The following NKD1 variants were observed in gnomAD, a reference collection of about 807,000 sequenced individuals.
NKD1 encodes NKD inhibitor of Wnt signaling pathway 1.
Under a neutral mutation model 56.0 loss-of-function variants are expected in NKD1, and 21 were observed. The observed-to-expected ratio is 0.38, with a 90% confidence interval of 0.27 to 0.54. The LOEUF is 0.54. NKD1 is among the 20% of genes least tolerant of loss of function. The pLI, the probability that NKD1 is intolerant of heterozygous loss-of-function variation, is 0.82. For missense variants in NKD1, 578 were observed against 642.7 expected (o/e 0.90, Z 1.09); for synonymous variants, 263 against 265.7 (o/e 0.99, Z 0.10).
At chr16:50,567,620 A>C (rs933954792) in intron 3 of NKD1, among the ~76,000 whole-genome samples, 2 of 152,180 alleles carry the variant, frequency 1.3e-5, no homozygotes, top group East Asian at 1.9e-4. Flanking sequence ...AGGACAGGCC[A>C]CAGGTGACAG....
chr16:50,633,856 AATTATTGTTATTATGATG>A lies in NKD1; in HGVS notation c.*89_*106del. On this transcript the variant is annotated 3_prime_UTR_variant, in exon 10 of 10. Coordinates refer to ENST00000268459, the MANE Select transcript of NKD1 (RefSeq NM_033119.5). This position sits in a 1 kb window ranked among gnomAD's most constrained non-coding sequence, Gnocchi z 4.9. ...CACCACAAGGCATTATTATTCTATT[AATTATTGTTATTATGATG>A]ATTATTGTTATTAATAATTATTGTT... is the stretch of plus-strand genomic sequence containing the variant. 1 of 663,342 alleles carries A rather than the reference AATTATTGTTATTATGATG, an allele frequency of 1.5e-6. No individual in the cohort carries two copies. The highest frequency in any genetic ancestry group is 2.5e-6 in the Non-Finnish European group (1 of 404,424). The allele number at this position is 663,342 out of a possible 1,614,324, so 41.1% of individuals were successfully genotyped here. A position where few individuals can be genotyped will look rare whatever the true frequency, so the allele number is the denominator to read the frequency against.
At chr16:50,620,409 CT>C (rs1962059370) in intron 4 of NKD1, among the ~76,000 whole-genome samples, 1 of 152,216 alleles carries the variant, frequency 6.6e-6, no homozygotes, top group African/African-American at 2.4e-5. Context: ...CTCCAGGCTG[CT>C]GACTTCCCAA....
At chr16:50,563,622 C>T (rs1473135070) in intron 3 of NKD1, among the ~76,000 whole-genome samples, 2 of 146,868 alleles carry the variant, frequency 1.4e-5, no homozygotes, top group East Asian at 4.1e-4. Flanking sequence ...TGGAGAAGAC[C>T]CTGTGTGTCA....
At chr16:50,599,293 A>G (rs1433465251) in intron 3 of NKD1, among the ~76,000 whole-genome samples, 3 of 152,176 alleles carry the variant, frequency 2.0e-5, no homozygotes, top group Admixed American at 1.3e-4. Context: ...CACTGTACAC[A>G]TACTCTCCAT....
At chr16:50,565,208 T>A (rs189104038) in intron 3 of NKD1, among the ~76,000 whole-genome samples, 2 of 151,816 alleles carry the variant, frequency 1.3e-5, no homozygotes, top group Non-Finnish European at 2.9e-5. Flanking sequence ...ACCCCGTGTT[T>A]CCTTCACTAA....
intron 4 of NKD1, among the ~76,000 whole-genome samples, chr16:50,613,996 G>C (rs1961907889): frequency 1.3e-5 from 2 of 152,130 alleles, no homozygotes; most frequent in Non-Finnish European, 2.9e-5. Context: ...TTTCCCCTCA[G>C]TTACAATTGG....
At chr16:50,581,206 A>G (rs1176502158) in intron 3 of NKD1, among the ~76,000 whole-genome samples, 1 of 152,186 alleles carries the variant, frequency 6.6e-6, no homozygotes, top group African/African-American at 2.4e-5. Flanking sequence ...ATCCCACTGG[A>G]GATTCTGGGG....
chr16:50,617,107 G>A (rs1272676173), intron 4 of NKD1, among the ~76,000 whole-genome samples: 1 of 152,176 alleles, frequency 6.6e-6, no homozygotes. Flanking sequence ...CTGCTCCCTG[G>A]GTCACTGCCA....
chr16:50,555,685 C>G (rs1162513473), intron 3 of NKD1: 1 of 152,428 alleles, frequency 6.6e-6, no homozygotes, highest in Non-Finnish European at 1.5e-5. Context: ...GGAGGGTCCC[C>G]CATGTGGGCT....
chr16:50,548,581 C>T lies in NKD1; in HGVS notation c.25+3C>T, dbSNP rs1176695120. On this transcript the variant is annotated splice_donor_region_variant and intron_variant, in intron 1 of 9. Coordinates refer to ENST00000268459, the MANE Select transcript of NKD1 (RefSeq NM_033119.5). ...GGGGAAACTTCACTCCAAGCCGGGT[C>T]AGTGCCCCCGCCCGCGCGCTCGCCC... The T allele has an allele frequency of 2.7e-6, 4 of 1,468,548 alleles. No individual in the cohort carries two copies. Among genetic ancestry groups the T allele is most frequent in the South Asian group, 1.3e-5 (1 of 77,734 alleles). 91.0% of individuals were successfully genotyped at this position (1,468,548 alleles called of 1,614,324 possible).
intron 3 of NKD1, among the ~76,000 whole-genome samples, chr16:50,562,976 T>TCC (rs1567334856): frequency 6.6e-5 from 7 of 106,702 alleles, no homozygotes; most frequent in African/African-American, 9.8e-5. Flanking sequence ...GGCTGCTAGG[T>TCC]CCCACCACCA....
At chr16:50,622,959 G>A (rs960150911) in intron 5 of NKD1, among the ~76,000 whole-genome samples, 1 of 152,124 alleles carries the variant, frequency 6.6e-6, no homozygotes, top group South Asian at 2.1e-4. Context: ...GGCTCTGTGC[G>A]GTGCCTGGAG....
intron 5 of NKD1, among the ~76,000 whole-genome samples, chr16:50,624,119 C>T (rs1017567302): frequency 6.6e-6 from 1 of 152,160 alleles, no homozygotes; most frequent in African/African-American, 2.4e-5. Context: ...GAGCCTTCCT[C>T]CTGCCAGGCC....
At chr16:50,608,787 G>GCA (rs141514805) in intron 4 of NKD1, among the ~76,000 whole-genome samples, 2 of 151,882 alleles carry the variant, frequency 1.3e-5, no homozygotes, top group African/African-American at 2.4e-5. Context: ...GCATGAGTGT[G>GCA]CACACACACA....
intron 6 of NKD1, among the ~76,000 whole-genome samples, chr16:50,629,130 T>C (rs1029362257): frequency 2.7e-4 from 41 of 151,960 alleles, no homozygotes; most frequent in African/African-American, 9.9e-4. Context: ...CACACATGGC[T>C]ATTTTTTATT....
intron 3 of NKD1, chr16:50,606,397 A>G: frequency 4.2e-6 from 1 of 240,612 alleles, no homozygotes. Context: ...CAGTGCGTCC[A>G]TGAACCATGG....
Position 50,632,587 on chromosome 16 carries a change from T to C in NKD1, c.823+179T>C, listed in dbSNP as rs1017508018. Among the ~76,000 whole-genome samples, 2 of 152,162 alleles carry C rather than the reference T, an allele frequency of 1.3e-5. No individual in the cohort carries two copies. Among genetic ancestry groups the C allele is most frequent in the African/African-American group, 4.8e-5 (2 of 41,432 alleles). ...AAAAATGGTTTCAAAATTAAAGTAA[T>C]ACATGCACGAAATCGAACAAAATCC... On this transcript the variant is annotated intron_variant, in intron 9 of 9. Coordinates refer to ENST00000268459, the MANE Select transcript of NKD1 (RefSeq NM_033119.5). This position sits in a 1 kb window ranked among gnomAD's most constrained non-coding sequence, Gnocchi z 4.1.
rs1412484622 is a variant in NKD1 at position 50,646,537 on chromosome 16, CG to C, written c.*12759del. The C allele has an allele frequency of 6.6e-6, 1 of 152,136 alleles. No homozygotes were observed. The highest frequency in any genetic ancestry group is 6.5e-5 in the Admixed American group (1 of 15,282). The allele number at this position is 152,136 out of a possible 1,614,324, so 9.4% of individuals were successfully genotyped here. On this transcript the variant is annotated 3_prime_UTR_variant, in exon 10 of 10. Transcript: ENST00000268459. ...CTGGGAGGCAGGGACTGGGGCCGGG[CG>C]GGTCCACCCAGGCTGTGGGTCAGCC... is the stretch of plus-strand genomic sequence containing the variant.
In NKD1 at chr16:50,625,522, G is replaced by A. The variant is rs141900711; in HGVS notation, c.404G>A (p.Arg135Gln). The part of the protein sequence containing the change: ...QCDVSMEEDS[R>Q]QEWTFTLYDF... ...GACGTGTCCATGGAGGAGGACAGCC[G>A]GCAGGAGTGGACCTTCACCCTGTAT... Residue 135 changes from arginine (R) to glutamine (Q), a missense_variant, in exon 6 of 10, where the codon CGG becomes CAG. By Grantham distance (43) the Arg-to-Gln change is conservative. Transcript: ENST00000268459. 4.6e-5 allele frequency: 74 copies of A among 1,613,876 alleles called. No homozygotes were observed. The African/African-American group carries it at 6.7e-4, about 15-fold the overall frequency.
Sources: gnomAD v4.1 joint callset for allele counts (sites outside exome capture counted in the v4.1 genomes callset) on GRCh38, gnomAD v4.1.1 for gene constraint, Gnocchi (gnomAD v3.1) non-coding constraint, MANE v1.5 for transcripts, NCBI Gene and HGNC (gene_info 2026-07-23, HGNC 2026-07-21) for gene names.